Variants in CCDC171 observed in about 807,000 individuals in gnomAD.
The protein encoded by CCDC171 is coiled-coil domain-containing protein 171.
A neutral mutation model predicts 168.2 loss-of-function variants in CCDC171; 177 were observed. That is an observed-to-expected ratio of 1.05 (90% CI 0.93 to 1.19). The LOEUF (loss-of-function observed/expected upper bound fraction) is 1.19, where lower values mean the gene tolerates loss of function less well. Among genes scored for constraint, CCDC171 ranks in the 50% most tolerant of loss-of-function variants. CCDC171 has a pLI of 0.00. For synonymous variants in CCDC171, 687 were observed against 540.8 expected, an observed-to-expected ratio of 1.27 and a Z score of -3.75; for missense variants, 1,991 against 1,539.0, an observed-to-expected ratio of 1.29 and a Z score of -4.91.
At chr9:15,578,025 C>T (rs1221517455) in intron 3 of CCDC171, among the ~76,000 whole-genome samples, 2 of 152,128 alleles carry the variant, frequency 1.3e-5, no homozygotes, top group Non-Finnish European at 2.9e-5. Flanking sequence ...TAAATCCCTG[C>T]AAAATTGGCA....
chr9:16,052,121 C>A (rs1462851676), intron 1 of CCDC171, among the ~76,000 whole-genome samples: 1 of 152,182 alleles, frequency 6.6e-6, no homozygotes, highest in Admixed American at 6.5e-5. Flanking sequence ...GGGGACACAG[C>A]CAAACCAAAT....
intron 18 of CCDC171, among the ~76,000 whole-genome samples, chr9:15,771,490 C>T (rs1588407032): frequency 6.6e-6 from 1 of 152,102 alleles, no homozygotes; most frequent in East Asian, 1.9e-4. Flanking sequence ...TACAAATGAT[C>T]ATACTATGAT....
Position 15,586,393 on chromosome 9 carries a change from G to C in CCDC171, c.353-4973G>C, listed in dbSNP as rs577741932. Among the ~76,000 whole-genome samples, 201 of 152,304 alleles carry C rather than the reference G, an allele frequency of 1.3e-3. 1 individual carries two copies. Among genetic ancestry groups the C allele is most frequent in the African/African-American group, 4.7e-3 (196 of 41,562 alleles). ...AATCCCATAACAATGGAGAGAACAG[G>C]GGGTGTGACAAGAGAGAAAATTTTG... On this transcript the variant is annotated intron_variant, in intron 4 of 25. Coordinates refer to ENST00000380701, the MANE Select transcript of CCDC171 (RefSeq NM_173550.4).
At chr9:15,635,294 T>A (rs1001073577) in intron 7 of CCDC171, among the ~76,000 whole-genome samples, 17 of 152,224 alleles carry the variant, frequency 1.1e-4, no homozygotes, top group African/African-American at 4.1e-4. Context: ...TATCATTTTA[T>A]GTGCTTATTA....
chr9:15,666,767 G>T (rs185862555), intron 9 of CCDC171, among the ~76,000 whole-genome samples: 405 of 152,234 alleles, frequency 2.7e-3, no homozygotes, highest in African/African-American at 9.0e-3. Context: ...CAAGGCTGAA[G>T]TGAGCTATGA....
At chr9:15,995,490 G>A (rs932286230) in intron 3 of CCDC171, among the ~76,000 whole-genome samples, 1 of 152,206 alleles carries the variant, frequency 6.6e-6, no homozygotes, top group East Asian at 1.9e-4. Flanking sequence ...TTACACTTAG[G>A]TGTGCCTGCT....
chr9:15,805,702 G>C (rs1367229051), intron 21 of CCDC171, among the ~76,000 whole-genome samples: 2 of 152,162 alleles, frequency 1.3e-5, no homozygotes, highest in Non-Finnish European at 2.9e-5. Flanking sequence ...GCTGTGTGGA[G>C]ATGAGAAGAC....
At chr9:15,831,586 A>C (rs1266210043) in intron 21 of CCDC171, among the ~76,000 whole-genome samples, 1 of 152,230 alleles carries the variant, frequency 6.6e-6, no homozygotes, top group African/African-American at 2.4e-5. Flanking sequence ...ATGCTTTAGA[A>C]GAAAAATGGG....
chr9:15,708,328 C>T (rs752081297), intron 11 of CCDC171, among the ~76,000 whole-genome samples: 1 of 152,178 alleles, frequency 6.6e-6, no homozygotes, highest in Non-Finnish European at 1.5e-5. Context: ...AATATTCACC[C>T]TCCCTTGGGG....
At chr9:15,771,006 T>A (rs185617549) in intron 18 of CCDC171, among the ~76,000 whole-genome samples, 1 of 152,278 alleles carries the variant, frequency 6.6e-6, no homozygotes, top group Non-Finnish European at 1.5e-5. Flanking sequence ...ATAATGAATA[T>A]TTTTTAATAT....
At chr9:15,673,671 A>G (rs564527826) in intron 9 of CCDC171, among the ~76,000 whole-genome samples, 3 of 152,118 alleles carry the variant, frequency 2.0e-5, no homozygotes, top group Non-Finnish European at 4.4e-5. Flanking sequence ...CATATATTGA[A>G]CCAGCTTTGC....
At chr9:16,007,687 G>C (rs1447627953) in intron 3 of CCDC171, among the ~76,000 whole-genome samples, 1 of 152,168 alleles carries the variant, frequency 6.6e-6, no homozygotes, top group Non-Finnish European at 1.5e-5. Flanking sequence ...TATTAATAGG[G>C]AATCCTTTCC....
At chr9:15,991,492 T>C (rs1203502635) in intron 3 of CCDC171, among the ~76,000 whole-genome samples, 2 of 150,094 alleles carry the variant, frequency 1.3e-5, no homozygotes, top group African/African-American at 2.5e-5. Context: ...GATCTAAAAT[T>C]GACACCCTAA....
At chr9:16,015,539 A>G (rs1326321857) in intron 3 of CCDC171, among the ~76,000 whole-genome samples, 1 of 152,070 alleles carries the variant, frequency 6.6e-6, no homozygotes, top group Non-Finnish European at 1.5e-5. Context: ...ACAGCCTATA[A>G]TTTCCCACCT....
At chr9:16,096,873 C>G in the CCDC171 span, among the ~76,000 whole-genome samples, 56,417 of 151,992 alleles carry the variant, frequency 0.37, 10,885 homozygotes, top group African/African-American at 0.46. Flanking sequence ...TTCTAGAGTT[C>G]TAATTTGAGC....
intron 21 of CCDC171, among the ~76,000 whole-genome samples, chr9:15,801,542 A>G (rs2058821299): frequency 6.6e-6 from 1 of 152,084 alleles, no homozygotes; most frequent in African/African-American, 2.4e-5. Flanking sequence ...TTCCAAATAT[A>G]AGATCATATC....
intron 18 of CCDC171, among the ~76,000 whole-genome samples, chr9:15,773,564 T>G (rs2057125386): frequency 6.6e-6 from 1 of 152,190 alleles, no homozygotes; most frequent in Admixed American, 6.5e-5. Context: ...ACAAATGTAT[T>G]TAACATAAGA....
At chr9:15,661,834 A>G (rs2048346238) in intron 8 of CCDC171, among the ~76,000 whole-genome samples, 1 of 152,268 alleles carries the variant, frequency 6.6e-6, no homozygotes, top group Non-Finnish European at 1.5e-5. Context: ...CAATGTAGAC[A>G]AGAAGAAAAT....
At chr9:15,967,279 T>A (rs903869949) in intron 25 of CCDC171, among the ~76,000 whole-genome samples, 2 of 152,168 alleles carry the variant, frequency 1.3e-5, no homozygotes, top group Non-Finnish European at 2.9e-5. Flanking sequence ...TTCATCTGTT[T>A]ATGTGGAGCT....
Sources: allele counts gnomAD v4.1 joint callset (sites outside exome capture counted in the v4.1 genomes callset), GRCh38; gene constraint gnomAD v4.1.1; transcripts MANE v1.5; gene names NCBI Gene and HGNC (gene_info 2026-07-23, HGNC 2026-07-21).